The following PTX3 variants were observed in gnomAD, a reference collection of about 807,000 sequenced individuals.
The protein encoded by PTX3 is pentraxin 3.
Under a neutral mutation model 23.5 loss-of-function variants are expected in PTX3, and 24 were observed. That is an observed-to-expected ratio of 1.02 (90% confidence interval 0.74 to 1.43). PTX3 has a LOEUF of 1.43. Among genes scored for constraint, PTX3 ranks in the 40% most tolerant of loss-of-function variants. The probability of loss-of-function intolerance (pLI) is 0.00; values close to 1 mark genes in which losing one functional copy is unlikely to be tolerated. For missense variants in PTX3, 510 were observed against 497.5 expected (o/e 1.02, Z -0.24); for synonymous variants, 218 against 205.4 (o/e 1.06, Z -0.53).
chr3:157,436,898 C>T lies in PTX3; in HGVS notation c.-36C>T, dbSNP rs1317734063. On this transcript the variant is annotated 5_prime_UTR_variant, in exon 1 of 3. Coordinates refer to ENST00000295927, the MANE Select transcript of PTX3 (RefSeq NM_002852.4). ...CTCAGCTCACTTGAGAGTCTCCTCC[C>T]GCCAGCTGTGGAAAGAACTTTGCGT... 2 of 1,606,012 alleles carry T rather than the reference C, an allele frequency of 1.2e-6. No homozygotes were observed. Among genetic ancestry groups the T allele is most frequent in the Non-Finnish European group, 1.7e-6 (2 of 1,174,928 alleles).
At chr3:157,437,953 T>A in intron 2 of PTX3, 39 bp downstream of exon 2, 1 of 1,519,308 alleles carries the variant, frequency 6.6e-7, no homozygotes, top group Non-Finnish European at 8.8e-7. Context: ...CCACTGCGGC[T>A]TTGTTCCGGG....
Position 157,442,414 on chromosome 3 carries a change from G to A in PTX3, c.581G>A (p.Gly194Glu). 3 of 1,613,800 alleles carry A rather than the reference G, an allele frequency of 1.9e-6. No individual in the cohort carries two copies. The highest frequency in any genetic ancestry group is 2.5e-6 in the Non-Finnish European group (3 of 1,179,788). Residue 194 changes from glycine to glutamate, a missense_variant, in exon 3 of 3, where the codon GGA (glycine) becomes GAA (glutamate). Transcript: ENST00000295927. ...LFPMRSKKIF[G>E]SVHPVRPMRL... ...CCAATGCGTTCCAAGAAGATTTTTG[G>A]AAGCGTGCATCCAGTGAGACCAATG...
intron 2 of PTX3, 99 bp from the exon 3 acceptor site, chr3:157,442,267 G>A (rs1734182667): frequency 8.9e-7 from 1 of 1,120,156 alleles, no homozygotes; most frequent in South Asian, 1.7e-5. Flanking sequence ...GCTTTCAATT[G>A]TAATAATTAA....
rs745992191 is a variant in PTX3, at chr3:157,443,004, CAAAG to C, written c.*33_*36del. ...AATGTTGTGAAACTCCACTTGAAGC[CAAAG>C]AAAGAAACTCACACTTAAAACACAT... On this transcript the variant is annotated 3_prime_UTR_variant, in exon 3 of 3. Coordinates refer to ENST00000295927, the MANE Select transcript of PTX3 (RefSeq NM_002852.4). 1.6e-5 allele frequency: 25 copies of C among 1,566,638 alleles called. No individual in the cohort carries two copies. The African/African-American group carries it at 3.0e-4, about 19-fold the overall frequency.
intron 1 of PTX3, 135 bp from the exon 2 acceptor site, chr3:157,437,378 G>A: frequency 9.4e-7 from 1 of 1,067,510 alleles, no homozygotes; most frequent in South Asian, 1.4e-5. Flanking sequence ...GCTGTTTTTC[G>A]GAGGTGTCCT....
chr3:157,438,035 GCGCACACACACACACA>G (rs1020174177), intron 2 of PTX3, 121 bp downstream of exon 2: 5 of 701,924 alleles, frequency 7.1e-6, no homozygotes, highest in African/African-American at 5.9e-5. Flanking sequence ...GCGCGCGCGC[GCGCACACACACACACA>G]CACACACACA....
At chr3:157,442,339 A>G (rs2109239335) in intron 2 of PTX3, 27 bp from the exon 3 acceptor site, 1 of 1,519,924 alleles carries the variant, frequency 6.6e-7, no homozygotes, top group South Asian at 1.2e-5. Flanking sequence ...TTTCTTTAAT[A>G]TTCTTCTTAT....
chr3:157,437,688 G>C lies in PTX3; in HGVS notation c.306G>C (p.Pro102=), dbSNP rs1171437470. Residue 102 remains proline (P), a synonymous_variant, in exon 2 of 3, where the codon CCG becomes CCC. Coordinates refer to ENST00000295927, the MANE Select transcript of PTX3 (RefSeq NM_002852.4). The stretch of plus-strand genomic sequence containing the variant: ...GGCTCGCGGAAAGCCTGGCGAGGCC[G>C]TGCGCGCCGGGGGCTCCCGCAGAGG... ...LGRLAESLAR[P]CAPGAPAEAR... is the part of the protein sequence containing the mutation. 2 of 1,533,654 alleles carry C rather than the reference G, an allele frequency of 1.3e-6. No individual in the cohort carries two copies. The highest frequency in any genetic ancestry group is 1.7e-6 in the Non-Finnish European group (2 of 1,144,404).
intron 2 of PTX3, 123 bp downstream of exon 2, chr3:157,438,037 G>GCA (rs781700719): frequency 0.049 from 25,057 of 510,088 alleles, 205 homozygotes; most frequent in Middle Eastern, 0.098. Context: ...GCGCGCGCGC[G>GCA]CACACACACA....
chr3:157,439,010 A>G (rs1733904205), intron 2 of PTX3, among the ~76,000 whole-genome samples: 1 of 152,224 alleles, frequency 6.6e-6, no homozygotes, highest in African/African-American at 2.4e-5. Context: ...TAATGAGAGC[A>G]TGTTTCATTT....
intron 2 of PTX3, 123 bp downstream of exon 2, chr3:157,438,037 GCACACACACACACACACA>G (rs781700719): frequency 8.3e-5 from 43 of 516,102 alleles, no homozygotes; most frequent in East Asian, 7.2e-4. Flanking sequence ...GCGCGCGCGC[GCACACACACACACACACA>G]CACACACACA....
At chr3:157,437,447 C>T in intron 1 of PTX3, 66 bp from the exon 2 acceptor site, 2 of 1,549,238 alleles carry the variant, frequency 1.3e-6, no homozygotes, top group Non-Finnish European at 1.7e-6. Flanking sequence ...GGGAGGTCAG[C>T]TTTTACAAAG....
intron 2 of PTX3, among the ~76,000 whole-genome samples, chr3:157,440,759 A>G (rs1734055894): frequency 6.6e-6 from 1 of 152,094 alleles, no homozygotes; most frequent in Non-Finnish European, 1.5e-5. Context: ...TTTTCGTTTC[A>G]GCATCTCCAG....
At chr3:157,439,416 G>T (rs1458714893) in intron 2 of PTX3, among the ~76,000 whole-genome samples, 1 of 152,194 alleles carries the variant, frequency 6.6e-6, no homozygotes, top group Non-Finnish European at 1.5e-5. Flanking sequence ...CCATTCTGTT[G>T]TTAGCCTCCT....
Position 157,442,235 on chromosome 3 carries a change from T to TC in PTX3, c.533-130dup, listed in dbSNP as rs1734180235. The TC allele has an allele frequency of 8.3e-6, 7 of 846,038 alleles. No individual in the cohort carries two copies. The Admixed American group carries it at 9.0e-5, about 11-fold the overall frequency. 52.4% of individuals were successfully genotyped at this position (846,038 alleles called of 1,614,324 possible). ...GAGATTACAGTGGAAGCTTCTTAAG[T>TC]CGTAATGTAGGGTTTCACATAGCTT... On this transcript the variant is annotated intron_variant, in intron 2 of 2. Transcript: ENST00000295927.
intron 1 of PTX3, 63 bp downstream of exon 1, chr3:157,437,126 A>C (rs1733659741): frequency 6.3e-7 from 1 of 1,578,902 alleles, no homozygotes; most frequent in African/African-American, 1.3e-5. Flanking sequence ...TGGTCTAAAT[A>C]ACACACATAT....
In PTX3 at chr3:157,437,852, G is replaced by T. The variant is rs1373413001; in HGVS notation, c.470G>T (p.Arg157Leu). 2.4e-5 allele frequency: 36 copies of T among 1,497,736 alleles called. No individual in the cohort carries two copies. The Admixed American group carries it at 4.5e-4, about 19-fold the overall frequency. The allele number at this position is 1,497,736 out of a possible 1,614,324, so 92.8% of individuals were successfully genotyped here. A position where few individuals can be genotyped will look rare whatever the true frequency, so the allele number is the denominator to read the frequency against. ...CTGGCCGCGGTGCTAGAGGAGCTGC[G>T]GCAGACGCGAGCCGACCTGCACGCG... is the stretch of plus-strand genomic sequence containing the variant. ...RALAAVLEEL[R>L]QTRADLHAVQ... is the part of the protein sequence containing the mutation. Residue 157 changes from arginine (R) to leucine (L), a missense_variant, in exon 2 of 3, where the codon CGG (arginine) becomes CTG (leucine). Transcript: ENST00000295927.
chr3:157,437,731 C>T lies in PTX3; in HGVS notation c.349C>T (p.Leu117=). The part of the protein sequence containing the change: ...APAEARLTSA[L]DELLQATRDA... ...CGCAGAGGCCAGGCTGACCAGTGCT[C>T]TGGACGAGCTGCTGCAGGCGACCCG... is the stretch of plus-strand genomic sequence containing the variant. The change falls in exon 2 of 3, where the codon CTG becomes TTG. Residue 117 remains leucine, a synonymous_variant. Transcript: ENST00000295927. The T allele has an allele frequency of 1.3e-6, 2 of 1,506,590 alleles. No individual in the cohort carries two copies. Among genetic ancestry groups the T allele is most frequent in the Non-Finnish European group, 1.8e-6 (2 of 1,135,920 alleles). The allele number at this position is 1,506,590 out of a possible 1,614,324, so 93.3% of individuals were successfully genotyped here.
chr3:157,437,114 C>G, intron 1 of PTX3, 51 bp downstream of exon 1: 1 of 1,596,956 alleles, frequency 6.3e-7, no homozygotes, highest in Non-Finnish European at 8.6e-7. Context: ...ATATCCACCT[C>G]TTGGTCTAAA....
Sources: gnomAD v4.1 joint callset for allele counts (sites outside exome capture counted in the v4.1 genomes callset) on GRCh38, gnomAD v4.1.1 for gene constraint, MANE v1.5 for transcripts, NCBI Gene and HGNC (gene_info 2026-07-23, HGNC 2026-07-21) for gene names.